PLEKHA1: variants seen among roughly 807,000 people sequenced by gnomAD.
PLEKHA1 encodes pleckstrin homology domain containing A1.
In PLEKHA1, 34 loss-of-function variants were observed where a neutral mutation model predicts 52.0. The ratio of observed to expected loss-of-function variants is 0.65; its 90% CI spans 0.50 to 0.87. The LOEUF (loss-of-function observed/expected upper bound fraction) is 0.87, where lower values mean the gene tolerates loss of function less well. Ranked by LOEUF, PLEKHA1 falls within the 40% of genes least tolerant of loss-of-function variation. PLEKHA1 has a pLI of 0.00. For synonymous variants in PLEKHA1, 163 were observed against 170.7 expected, an observed-to-expected ratio of 0.95 and a Z score of 0.35; for missense variants, 497 against 504.2, an observed-to-expected ratio of 0.99 and a Z score of 0.14.
chr10:122,433,523 A>G (rs2097427639), downstream of PLEKHA1: 3 of 17,272 alleles, frequency 1.7e-4, no homozygotes, highest in Admixed American at 1.9e-3. Flanking sequence ...ACATAGGCTT[A>G]GTGTTCTTTT....
chr10:122,392,433 A>C (rs1479186421), intron 1 of PLEKHA1: 1 of 152,160 alleles, frequency 6.6e-6, no homozygotes, highest in Admixed American at 6.5e-5. Flanking sequence ...TTATGTTCAC[A>C]TGATAGGTGA....
At chr10:122,435,609 T>C (rs1426399572), downstream of PLEKHA1, 1 of 152,228 alleles carries the variant, frequency 6.6e-6, no homozygotes, top group East Asian at 1.9e-4. Flanking sequence ...GGTTCACATA[T>C]AGTTGTAAGA....
At chr10:122,427,490 A>G (rs779391722) in intron 11 of PLEKHA1, among the ~76,000 whole-genome samples, 21 of 152,208 alleles carry the variant, frequency 1.4e-4, no homozygotes, top group Non-Finnish European at 2.8e-4. Flanking sequence ...TGGCTTAACC[A>G]TGCCATCAGA....
At chr10:122,422,666 T>C (rs2097276710) in intron 8 of PLEKHA1, 1 of 152,244 alleles carries the variant, frequency 6.6e-6, no homozygotes, top group African/African-American at 2.4e-5. Context: ...ACATACATGG[T>C]ATGATCCTGG....
At chr10:122,402,349 C>G (rs895214026) in intron 4 of PLEKHA1, among the ~76,000 whole-genome samples, 2 of 152,202 alleles carry the variant, frequency 1.3e-5, no homozygotes, top group African/African-American at 4.8e-5. Flanking sequence ...GAAGCACTGA[C>G]TTCTAAAATA....
intron 1 of PLEKHA1, among the ~76,000 whole-genome samples, chr10:122,391,691 A>G (rs1188124985): frequency 1.3e-5 from 2 of 151,802 alleles, no homozygotes; most frequent in South Asian, 2.1e-4. Flanking sequence ...CCTGTGGTAT[A>G]TGGTAGTATA....
At chr10:122,406,462 G>C (rs1182400749) in intron 4 of PLEKHA1, 114 bp from the exon 5 acceptor site, 5 of 778,164 alleles carry the variant, frequency 6.4e-6, no homozygotes, top group Non-Finnish European at 1.1e-5. Context: ...GATATATTTT[G>C]TCAAATCCAC....
chr10:122,429,494 T>TTGTGTGTGTGTGTGTGTG (rs35620141), intron 11 of PLEKHA1, 130 bp from the exon 12 acceptor site: 40 of 655,964 alleles, frequency 6.1e-5, no homozygotes, highest in African/African-American at 5.9e-4. Context: ...GCTGCTGCCT[T>TTGTGTGTGTGTGTGTGTG]TGTGTGTGTG....
At chr10:122,385,672 G>A (rs1263884287) in intron 1 of PLEKHA1, among the ~76,000 whole-genome samples, 1 of 152,122 alleles carries the variant, frequency 6.6e-6, no homozygotes, top group African/African-American at 2.4e-5. Flanking sequence ...TCATGTTGTT[G>A]CATCTGTCAG....
downstream of PLEKHA1, chr10:122,434,167 C>T (rs1033403723): frequency 5.9e-5 from 9 of 152,154 alleles, no homozygotes; most frequent in African/African-American, 1.9e-4. Context: ...TTGTCCACTG[C>T]TGCTATGGTC....
chr10:122,430,794 CCT>C lies in PLEKHA1; in HGVS notation c.*859_*860del, dbSNP rs1344972293. 5 of 152,240 alleles carry C rather than the reference CCT, an allele frequency of 3.3e-5. No homozygotes were observed. Among genetic ancestry groups the C allele is most frequent in the African/African-American group, 1.2e-4 (5 of 41,422 alleles). The allele number at this position is 152,240 out of a possible 1,614,324, so 9.4% of individuals were successfully genotyped here. On this transcript the variant is annotated 3_prime_UTR_variant, in exon 12 of 12. Coordinates refer to ENST00000368990, the MANE Select transcript of PLEKHA1 (RefSeq NM_001001974.4). ...GCCCTTAGTCATGAAATTGTTGTGA[CCT>C]CTACTTTTTGTCACTAATAGCCTAC...
intron 4 of PLEKHA1, among the ~76,000 whole-genome samples, chr10:122,401,174 G>C (rs561975283): frequency 3.9e-5 from 6 of 152,134 alleles, no homozygotes; most frequent in East Asian, 1.9e-4. Flanking sequence ...ACACTCTGAA[G>C]CTAGAGGGTA....
chr10:122,379,850 A>G (rs1340165538), intron 1 of PLEKHA1, among the ~76,000 whole-genome samples: 1 of 152,134 alleles, frequency 6.6e-6, no homozygotes, highest in African/African-American at 2.4e-5. Context: ...TTTTTCTTAT[A>G]TCACTCAGGC....
Position 122,424,193 on chromosome 10 carries a change from T to TTTTG in PLEKHA1, c.682-6_682-5insTTTG, listed in dbSNP as rs1554936829. On this transcript the variant is annotated splice_polypyrimidine_tract_variant and splice_region_variant and intron_variant, in intron 8 of 11. Transcript: ENST00000368990. ...ACTGTTTTTTTTTTTTTTTTTTTTT[T>TTTTG]GCCAGGAAAAGGAACCTCTTCGTGT... 2.6e-6 allele frequency: 4 copies of TTTTG among 1,536,376 alleles called. No homozygotes were observed. In the African/African-American group the frequency reaches 4.4e-5, roughly 17 times the overall value.
intron 1 of PLEKHA1, chr10:122,392,193 A>G (rs765017651): frequency 2.0e-5 from 3 of 152,210 alleles, no homozygotes; most frequent in African/African-American, 4.8e-5. Context: ...GGACCAGAAT[A>G]TGATACACCT....
In PLEKHA1 at chr10:122,429,620, G is replaced by T; in HGVS notation, c.901-4G>T. On this transcript the variant is annotated splice_region_variant and splice_polypyrimidine_tract_variant and intron_variant, in intron 11 of 11. Coordinates refer to ENST00000368990, the MANE Select transcript of PLEKHA1 (RefSeq NM_001001974.4). ...CCGTGTCTGACTGCCACTCCTTTTTGCAGGAGCATCCCCCCGGTCCTTCAG... is the reference window on the plus strand; with the variant it reads ...CCGTGTCTGACTGCCACTCCTTTTTTCAGGAGCATCCCCCCGGTCCTTCAG... The T allele has an allele frequency of 1.9e-6, 3 of 1,609,410 alleles. No individual in the cohort carries two copies. The highest frequency in any genetic ancestry group is 2.2e-5 in the South Asian group (2 of 90,608).
intron 11 of PLEKHA1, among the ~76,000 whole-genome samples, chr10:122,429,382 G>T (rs985940992): frequency 2.0e-5 from 3 of 152,088 alleles, no homozygotes; most frequent in African/African-American, 7.2e-5. Flanking sequence ...GACGGAACTG[G>T]TTTCCTAGTG....
intron 8 of PLEKHA1, chr10:122,418,426 A>C (rs1261370158): frequency 6.5e-6 from 1 of 154,486 alleles, no homozygotes; most frequent in African/African-American, 2.4e-5. Flanking sequence ...ATGAATGTAT[A>C]TCTGTATATA....
chr10:122,394,582 G>A (rs534638986), intron 2 of PLEKHA1, among the ~76,000 whole-genome samples: 1 of 152,308 alleles, frequency 6.6e-6, no homozygotes, highest in African/African-American at 2.4e-5. Context: ...GTTTCACAGA[G>A]CAGGAACTAG....
Sources: allele counts gnomAD v4.1 joint callset (sites outside exome capture counted in the v4.1 genomes callset), GRCh38; gene constraint gnomAD v4.1.1; transcripts MANE v1.5; gene names NCBI Gene and HGNC (gene_info 2026-07-23, HGNC 2026-07-21).